The following GPC6 variants were observed in gnomAD, a reference collection of about 807,000 sequenced individuals.
GPC6 encodes the protein glypican 6, also known as glypican-6.
Under a neutral mutation model 55.2 loss-of-function variants are expected in GPC6, and 14 were observed. The ratio of observed to expected loss-of-function variants is 0.25; its 90% confidence interval spans 0.17 to 0.40. GPC6 has a LOEUF of 0.40. Ranked by LOEUF, GPC6 falls within the 10% of genes least tolerant of loss-of-function variation. The probability of loss-of-function intolerance (pLI) is 1.00; values close to 1 mark genes in which losing one functional copy is unlikely to be tolerated. For synonymous variants in GPC6, 278 were observed against 259.6 expected, an observed-to-expected ratio of 1.07 and a Z score of -0.68; for missense variants, 641 against 708.5, an observed-to-expected ratio of 0.90 and a Z score of 1.08.
chr13:94,392,388 C>T (rs995385274), intron 7 of GPC6, among the ~76,000 whole-genome samples: 3 of 146,216 alleles, frequency 2.1e-5, no homozygotes, highest in Non-Finnish European at 4.5e-5. Context: ...TATGCAATTG[C>T]TGGATCATAT....
intron 2 of GPC6, among the ~76,000 whole-genome samples, chr13:93,710,734 A>G (rs1350780029): frequency 6.7e-6 from 1 of 150,354 alleles, no homozygotes; most frequent in Non-Finnish European, 1.5e-5. Context: ...AACTTATAGA[A>G]ATTATAGTGT....
chr13:93,337,349 T>G (rs1880082268), intron 1 of GPC6, among the ~76,000 whole-genome samples: 1 of 152,240 alleles, frequency 6.6e-6, no homozygotes, highest in Non-Finnish European at 1.5e-5. Flanking sequence ...ATATGCTACC[T>G]ACTACTAGTC....
At chr13:93,778,633 C>T (rs1436211312) in intron 2 of GPC6, among the ~76,000 whole-genome samples, 1 of 152,130 alleles carries the variant, frequency 6.6e-6, no homozygotes, top group Non-Finnish European at 1.5e-5. Context: ...ATTCTTGCAC[C>T]TGTTGTTACA....
intron 2 of GPC6, among the ~76,000 whole-genome samples, chr13:93,826,442 C>T (rs910389253): frequency 6.6e-6 from 1 of 151,822 alleles, no homozygotes; most frequent in African/African-American, 2.4e-5. Context: ...CCTTGGGTTC[C>T]GAAAGGATAT....
intron 2 of GPC6, among the ~76,000 whole-genome samples, chr13:93,548,793 A>G (rs1173755259): frequency 6.6e-6 from 1 of 152,196 alleles, no homozygotes; most frequent in East Asian, 1.9e-4. Flanking sequence ...TTAGAAATAC[A>G]TAATATCAAT....
chr13:94,045,795 C>T (rs1883711772), intron 4 of GPC6, among the ~76,000 whole-genome samples: 1 of 151,256 alleles, frequency 6.6e-6, no homozygotes, highest in South Asian at 2.1e-4. Flanking sequence ...CTACCATTGC[C>T]ATACCCACAT....
chr13:93,905,037 T>C (rs1294418239), intron 3 of GPC6, among the ~76,000 whole-genome samples: 2 of 151,120 alleles, frequency 1.3e-5, no homozygotes, highest in Non-Finnish European at 2.9e-5. Context: ...TTTGGTTTTT[T>C]GTTCTTGCAA....
At chr13:93,783,253 C>T (rs996159939) in intron 2 of GPC6, among the ~76,000 whole-genome samples, 1 of 152,050 alleles carries the variant, frequency 6.6e-6, no homozygotes, top group Non-Finnish European at 1.5e-5. Flanking sequence ...CATGTCTTTG[C>T]TATTGTGCAT....
chr13:93,870,100 G>A (rs1313275036), intron 3 of GPC6, among the ~76,000 whole-genome samples: 1 of 151,818 alleles, frequency 6.6e-6, no homozygotes, highest in Non-Finnish European at 1.5e-5. Flanking sequence ...GAAGCACCCT[G>A]ACTTTCTTAA....
intron 1 of GPC6, among the ~76,000 whole-genome samples, chr13:93,529,147 T>A (rs1445247): frequency 0.058 from 8,809 of 152,228 alleles, 834 homozygotes; most frequent in African/African-American, 0.2. Context: ...TTTTTACTTC[T>A]TATGATGAGC....
chr13:93,644,109 T>C (rs1016758330), intron 2 of GPC6, among the ~76,000 whole-genome samples: 1 of 152,118 alleles, frequency 6.6e-6, no homozygotes, highest in Admixed American at 6.6e-5. Context: ...CATGTTCCCA[T>C]TGAAGCTTAT....
chr13:93,864,417 G>A (rs1888901421), intron 3 of GPC6, among the ~76,000 whole-genome samples: 1 of 151,460 alleles, frequency 6.6e-6, no homozygotes, highest in African/African-American at 2.4e-5. Context: ...ATTTAAACCT[G>A]ACTTCCACCA....
At position 94,238,983 on chromosome 13, in the gene GPC6, G is replaced by C. The variant is rs140629456; in HGVS notation, c.878-47366G>C. 1.5e-4 allele frequency among the ~76,000 whole-genome samples: 23 copies of C among 152,274 alleles called. 1 individual carries two copies. The East Asian group carries it at 4.2e-3, about 28-fold the overall frequency. ...TGCAAAGATCATTCATAATGCTATA[G>C]TTTAGCCTATGTTTGGCTAAAATAA... On this transcript the variant is annotated intron_variant, in intron 4 of 8. Coordinates refer to ENST00000377047, the MANE Select transcript of GPC6 (RefSeq NM_005708.5).
At chr13:93,295,166 C>T (rs1214656783) in intron 1 of GPC6, among the ~76,000 whole-genome samples, 1 of 146,954 alleles carries the variant, frequency 6.8e-6, no homozygotes, top group Non-Finnish European at 1.5e-5. Context: ...TGGCGGTGTG[C>T]CTGTAGTCCC....
At chr13:93,403,245 A>G (rs1876156006) in intron 1 of GPC6, among the ~76,000 whole-genome samples, 1 of 152,196 alleles carries the variant, frequency 6.6e-6, no homozygotes, top group Non-Finnish European at 1.5e-5. Context: ...CCAAGGTTTT[A>G]GGTTCTGATT....
In GPC6 at chr13:94,382,565, ATG is replaced by A. The variant is rs754438251; in HGVS notation, c.1289+20_1289+21del. On this transcript the variant is annotated intron_variant, in intron 7 of 8. Transcript: ENST00000377047. ...AGCAAAGCCAGGTGAGGGTGACTCG[ATG>A]TGTGCATGGATGGGGGCACAGCACA... 38 of 1,613,974 alleles carry A rather than the reference ATG, an allele frequency of 2.4e-5. No individual in the cohort carries two copies. The South Asian group carries it at 4.2e-4, about 18-fold the overall frequency.
At chr13:93,790,818 G>A (rs966930051) in intron 2 of GPC6, among the ~76,000 whole-genome samples, 1 of 152,190 alleles carries the variant, frequency 6.6e-6, no homozygotes, top group African/African-American at 2.4e-5. Context: ...GGATGGAGAA[G>A]TGGAGAATGA....
intron 1 of GPC6, among the ~76,000 whole-genome samples, chr13:93,375,196 A>G (rs1265028129): frequency 6.6e-6 from 1 of 152,218 alleles, no homozygotes; most frequent in Non-Finnish European, 1.5e-5. Flanking sequence ...AAATGACATT[A>G]AAAGTCTGGG....
chr13:94,079,175 A>G (rs989597522), intron 4 of GPC6, among the ~76,000 whole-genome samples: 3 of 152,220 alleles, frequency 2.0e-5, no homozygotes, highest in South Asian at 2.1e-4. Context: ...GCATGCAAAT[A>G]TATATGAAGG....
Sources: gnomAD v4.1 joint callset for allele counts (sites outside exome capture counted in the v4.1 genomes callset) on GRCh38, gnomAD v4.1.1 for gene constraint, MANE v1.5 for transcripts, NCBI Gene and HGNC (gene_info 2026-07-23, HGNC 2026-07-21) for gene names.